The following TBC1D5 variants were observed in gnomAD, a reference collection of about 807,000 sequenced individuals.
TBC1D5 encodes the protein TBC1 domain family, member 5.
In TBC1D5, 75 loss-of-function variants were observed where a neutral mutation model predicts 100.3. That is an observed-to-expected ratio of 0.75 (90% CI 0.62 to 0.91). The LOEUF (loss-of-function observed/expected upper bound fraction) is 0.91. Ranked by LOEUF, TBC1D5 falls within the 40% of genes least tolerant of loss-of-function variation. The probability of loss-of-function intolerance (pLI) is 0.00; values close to 1 mark genes in which losing one functional copy is unlikely to be tolerated. For synonymous variants in TBC1D5, 323 were observed against 325.6 expected (o/e 0.99, Z 0.09); for missense variants, 910 against 942.4 (o/e 0.97, Z 0.45).
At chr3:17,268,861 T>C (rs140460545) in intron 15 of TBC1D5, among the ~76,000 whole-genome samples, 2 of 152,258 alleles carry the variant, frequency 1.3e-5, no homozygotes, top group Non-Finnish European at 2.9e-5. Context: ...GGCTAACAGC[T>C]TTCCTCTTGG....
intron 13 of TBC1D5, among the ~76,000 whole-genome samples, chr3:17,344,842 G>A (rs1224211350): frequency 6.6e-6 from 1 of 152,150 alleles, no homozygotes. Context: ...AATAAATGGT[G>A]CTGGGAAAAC....
chr3:17,673,939 G>A (rs1381791379), intron 1 of TBC1D5, among the ~76,000 whole-genome samples: 8 of 152,088 alleles, frequency 5.3e-5, no homozygotes. Flanking sequence ...TCATCAAGGG[G>A]CTTTTAAATA....
In TBC1D5 at chr3:17,386,507, C is replaced by T. The variant is rs767520967; in HGVS notation, c.510-2492G>A. Among the ~76,000 whole-genome samples, 7 of 152,234 alleles carry T rather than the reference C, an allele frequency of 4.6e-5. No individual in the cohort carries two copies. In the East Asian group the frequency reaches 1.2e-3, roughly 25 times the overall value. Reference sequence around the variant, plus strand: ...TCAGCCTAAAGGTTTCTTTGCACATCGTGAACTATAACAAGTGGAGGTGTA... The same window carrying T: ...TCAGCCTAAAGGTTTCTTTGCACATTGTGAACTATAACAAGTGGAGGTGTA... On this transcript the variant is annotated intron_variant, in intron 8 of 21. Coordinates refer to ENST00000253692, the Ensembl canonical transcript of TBC1D5.
chr3:17,194,212 C>T lies in TBC1D5; in HGVS notation c.1753-9004G>A, dbSNP rs1428142350. 7.9e-5 allele frequency among the ~76,000 whole-genome samples: 12 copies of T among 152,144 alleles called. No homozygotes were observed. In the East Asian group the frequency reaches 1.7e-3, roughly 22 times the overall value. On this transcript the variant is annotated intron_variant, in intron 18 of 21. Transcript: ENST00000253692. ...ATATTTACTTCTGAATATCTCTTCC[C>T]GTCATTCTAGGAAGGCTGTGAAGTA...
intron 8 of TBC1D5, among the ~76,000 whole-genome samples, chr3:17,397,838 CTT>C (rs2093549503): frequency 6.6e-6 from 1 of 152,220 alleles, no homozygotes; most frequent in African/African-American, 2.4e-5. Context: ...ATCAGATAAA[CTT>C]TTAAATATGG....
chr3:17,727,935 TA>T (rs1437892101), intron 1 of TBC1D5, among the ~76,000 whole-genome samples: 1 of 152,180 alleles, frequency 6.6e-6, no homozygotes, highest in African/African-American at 2.4e-5. Context: ...TATTACAAAG[TA>T]ATATACAATA....
intron 16 of TBC1D5, among the ~76,000 whole-genome samples, chr3:17,255,296 G>C (rs1354956657): frequency 6.6e-6 from 1 of 152,142 alleles, no homozygotes; most frequent in Non-Finnish European, 1.5e-5. Context: ...CACCTCCTGG[G>C]TTCCAGCGTT....
chr3:17,535,156 G>A (rs1401724082), intron 2 of TBC1D5, among the ~76,000 whole-genome samples: 1 of 152,148 alleles, frequency 6.6e-6, no homozygotes, highest in Non-Finnish European at 1.5e-5. Context: ...TAGAACATGT[G>A]TATAGTGACC....
chr3:17,577,124 G>A (rs2096662328), intron 2 of TBC1D5, among the ~76,000 whole-genome samples: 1 of 151,868 alleles, frequency 6.6e-6, no homozygotes, highest in Admixed American at 6.6e-5. Context: ...AGTGGGGGTG[G>A]GGAGGGGAAC....
chr3:17,503,836 A>ACTGC lies in TBC1D5; in HGVS notation c.97+4634_97+4637dup, dbSNP rs762525661. Among the ~76,000 whole-genome samples, 88 of 149,850 alleles carry ACTGC rather than the reference A, an allele frequency of 5.9e-4. 2 individuals are homozygous for ACTGC. Among genetic ancestry groups the ACTGC allele is most frequent in the Non-Finnish European group, 9.7e-4 (66 of 67,938 alleles). On this transcript the variant is annotated intron_variant, in intron 3 of 21. Transcript: ENST00000253692. ...TTAGCTTTCCCTTTGCCAAGTGATT[A>ACTGC]CTGCTGTGCATTAACTCAATAATTC...
chr3:17,421,013 C>T (rs143076481), intron 4 of TBC1D5, among the ~76,000 whole-genome samples: 2 of 152,168 alleles, frequency 1.3e-5, no homozygotes, highest in Non-Finnish European at 2.9e-5. Context: ...AACTGTAACA[C>T]GTATGCTCAA....
chr3:17,651,659 C>T (rs570738662), intron 1 of TBC1D5, among the ~76,000 whole-genome samples: 48 of 151,834 alleles, frequency 3.2e-4, no homozygotes, highest in Non-Finnish European at 5.6e-4. Flanking sequence ...GCCAAGATTG[C>T]GCTACTGCAC....
chr3:17,230,843 C>T (rs1423912134), intron 17 of TBC1D5, among the ~76,000 whole-genome samples: 1 of 152,094 alleles, frequency 6.6e-6, no homozygotes, highest in Non-Finnish European at 1.5e-5. Flanking sequence ...TCCAAGGATG[C>T]TATAGTCTCT....
chr3:17,442,466 C>T (rs1213400915), intron 3 of TBC1D5, among the ~76,000 whole-genome samples: 1 of 152,186 alleles, frequency 6.6e-6, no homozygotes, highest in African/African-American at 2.4e-5. Flanking sequence ...TGCATCCATT[C>T]ATGTGGAACT....
chr3:17,323,718 T>C (rs188292780), intron 13 of TBC1D5, among the ~76,000 whole-genome samples: 2 of 152,330 alleles, frequency 1.3e-5, no homozygotes, highest in Non-Finnish European at 2.9e-5. Flanking sequence ...GTTTATTGAC[T>C]AGAATAATCA....
intron 18 of TBC1D5, among the ~76,000 whole-genome samples, chr3:17,195,704 T>A (rs1367898955): frequency 2.6e-5 from 4 of 151,054 alleles, no homozygotes; most frequent in Non-Finnish European, 1.5e-5. Flanking sequence ...CTACTTTAAG[T>A]AACAACTGGT....
At chr3:17,210,373 C>T (rs1336135359) in intron 18 of TBC1D5, among the ~76,000 whole-genome samples, 1 of 151,312 alleles carries the variant, frequency 6.6e-6, no homozygotes, top group Non-Finnish European at 1.5e-5. Flanking sequence ...TTTTTAGTAG[C>T]GATGGGGTTT....
chr3:17,315,932 T>C (rs1160434204), intron 13 of TBC1D5, among the ~76,000 whole-genome samples: 1 of 152,056 alleles, frequency 6.6e-6, no homozygotes, highest in East Asian at 1.9e-4. Flanking sequence ...GTACCATATA[T>C]GATTGATTTG....
chr3:17,296,283 G>T (rs1305784619), intron 14 of TBC1D5, among the ~76,000 whole-genome samples: 18 of 152,296 alleles, frequency 1.2e-4, no homozygotes, highest in Admixed American at 4.6e-4. Context: ...AATTGTACTT[G>T]ACTGAAAACA....
Sources: allele counts gnomAD v4.1 joint callset (sites outside exome capture counted in the v4.1 genomes callset), GRCh38; gene constraint gnomAD v4.1.1; transcripts MANE v1.5; gene names NCBI Gene and HGNC (gene_info 2026-07-23, HGNC 2026-07-21).